FBXO8: variants seen among roughly 807,000 people sequenced by gnomAD.
FBXO8 encodes the protein F-box only protein 8.
In FBXO8, 15 loss-of-function variants were observed where a neutral mutation model predicts 33.4. That is an observed-to-expected ratio of 0.45 (90% CI 0.30 to 0.69). The LOEUF is 0.69. FBXO8 is among the 30% of genes least tolerant of loss of function. FBXO8 has a pLI of 0.08. For missense variants in FBXO8, 274 were observed against 380.3 expected, an observed-to-expected ratio of 0.72 and a Z score of 2.32; for synonymous variants, 132 against 131.5, an observed-to-expected ratio of 1.00 and a Z score of -0.02.
rs1462924709 is a variant in FBXO8, at chr4:174,262,108, T to G, written c.329+656A>C. Among the ~76,000 whole-genome samples the G allele has an allele frequency of 6.6e-6, 1 of 152,156 alleles. No individual in the cohort carries two copies. The highest frequency in any genetic ancestry group is 2.4e-5 in the African/African-American group (1 of 41,444). On this transcript the variant is annotated intron_variant, in intron 2 of 5. Transcript: ENST00000393674. The surrounding 1 kb of genome is among the most constrained non-coding windows in gnomAD (Gnocchi z 4.6). ...AATGTTCTTAGATTTGTGGTTTTAA[T>G]TCAGACTAGTACAATGTGGAAATTT... is the stretch of plus-strand genomic sequence containing the variant.
At chr4:174,238,770 T>TAC (rs778406641) in intron 5 of FBXO8, among the ~76,000 whole-genome samples, 10 of 107,218 alleles carry the variant, frequency 9.3e-5, no homozygotes, top group African/African-American at 3.1e-4. Context: ...TATATATATA[T>TAC]ATACACACAC....
At chr4:174,249,566 C>G (rs749484863) in intron 3 of FBXO8, among the ~76,000 whole-genome samples, 1 of 151,818 alleles carries the variant, frequency 6.6e-6, no homozygotes, top group Non-Finnish European at 1.5e-5. Context: ...TATATTTTAA[C>G]AGCTCTGAAA....
intron 3 of FBXO8, among the ~76,000 whole-genome samples, chr4:174,249,817 A>G (rs183326808): frequency 2.8e-4 from 42 of 152,150 alleles, no homozygotes; most frequent in African/African-American, 9.4e-4. Context: ...ACAAAATGTT[A>G]CTGTATATGC....
rs528694545 is a variant in FBXO8 at position 174,262,091 on chromosome 4, T to C, written c.329+673A>G. Among the ~76,000 whole-genome samples the C allele has an allele frequency of 1.3e-5, 2 of 152,260 alleles. No homozygotes were observed. Among genetic ancestry groups the C allele is most frequent in the Admixed American group, 1.3e-4 (2 of 15,280 alleles). On this transcript the variant is annotated intron_variant, in intron 2 of 5. Transcript: ENST00000393674. The surrounding 1 kb of genome is among the most constrained non-coding windows in gnomAD (Gnocchi z 4.6). Reference sequence around the variant, plus strand: ...CAGATTCTATTCCAGCAAATGTTCTTAGATTTGTGGTTTTAATTCAGACTA... The same window carrying C: ...CAGATTCTATTCCAGCAAATGTTCTCAGATTTGTGGTTTTAATTCAGACTA...
rs991983576 is a variant in FBXO8, at chr4:174,274,630, T to A, written c.-9+8780A>T. On this transcript the variant is annotated intron_variant, in intron 1 of 5. Transcript: ENST00000393674. This position sits in a 1 kb window ranked among gnomAD's most constrained non-coding sequence, Gnocchi z 4.0. ...GACTGTAAGTACTAAAATAAGGAAC[T>A]GACTCCACACAATAGGTTACATGAA... 2.0e-5 allele frequency among the ~76,000 whole-genome samples: 3 copies of A among 152,220 alleles called. No homozygotes were observed. Among genetic ancestry groups the A allele is most frequent in the African/African-American group, 7.2e-5 (3 of 41,462 alleles).
At position 174,237,586 on chromosome 4, in the gene FBXO8, T is replaced by C; in HGVS notation, c.786A>G (p.Val262=). The change falls in exon 6 of 6, where the codon GTA becomes GTG. Residue 262 remains valine, a synonymous_variant. Transcript: ENST00000393674. This position sits in a 1 kb window ranked among gnomAD's most constrained non-coding sequence, Gnocchi z 4.4. ...ELGLSPDAVY[V]LCYSLILLSI... ...AAAGTAGAATCAAAGAGTAGCACAG[T>C]ACATAGACAGCATCTGGAAAGAAAA... 1 of 1,595,060 alleles carries C rather than the reference T, an allele frequency of 6.3e-7. No homozygotes were observed. Among genetic ancestry groups the C allele is most frequent in the South Asian group, 1.1e-5 (1 of 89,156 alleles).
At chr4:174,268,875 T>C (rs1487703297) in intron 1 of FBXO8, among the ~76,000 whole-genome samples, 1 of 152,232 alleles carries the variant, frequency 6.6e-6, no homozygotes, top group Non-Finnish European at 1.5e-5. Flanking sequence ...CAGCTGCGAA[T>C]GTGCACCTTG....
rs371054076 is a variant in FBXO8 at position 174,238,046 on chromosome 4, A to G, written c.773-447T>C. Among the ~76,000 whole-genome samples, 3 of 152,082 alleles carry G rather than the reference A, an allele frequency of 2.0e-5. 1 individual carries two copies. The highest frequency in any genetic ancestry group is 3.8e-4 in the East Asian group (2 of 5,206). On this transcript the variant is annotated intron_variant, in intron 5 of 5. Transcript: ENST00000393674. ...AATTTATATAGAATGCTTTCATAAA[A>G]ACCTATTTTAATTTGAGAGCATCTT...
chr4:174,271,923 T>C (rs560726086), intron 1 of FBXO8, among the ~76,000 whole-genome samples: 43 of 152,320 alleles, frequency 2.8e-4, no homozygotes, highest in African/African-American at 1.0e-3. Context: ...GAGGTACTCA[T>C]CAAAGTTCTG....
At position 174,252,082 on chromosome 4, in the gene FBXO8, C is replaced by A. The variant is rs952330757; in HGVS notation, c.456+7617G>T. The stretch of plus-strand genomic sequence containing the variant: ...TTCCTGGACTCAAGTGATCCTCCCA[C>A]CTCAGCCCCCTAAGTAGCTGCGACT... On this transcript the variant is annotated intron_variant, in intron 3 of 5. Coordinates refer to ENST00000393674, the MANE Select transcript of FBXO8 (RefSeq NM_012180.3). This position sits in a 1 kb window ranked among gnomAD's most constrained non-coding sequence, Gnocchi z 5.1. 1.3e-5 allele frequency among the ~76,000 whole-genome samples: 2 copies of A among 152,094 alleles called. No individual in the cohort carries two copies. Among genetic ancestry groups the A allele is most frequent in the Admixed American group, 6.6e-5 (1 of 15,262 alleles).
chr4:174,250,693 A>G (rs1736265532), intron 3 of FBXO8, among the ~76,000 whole-genome samples: 1 of 152,128 alleles, frequency 6.6e-6, no homozygotes, highest in African/African-American at 2.4e-5. Context: ...TCATACTCCC[A>G]TATTTGAAAA....
At chr4:174,280,135 T>C (rs950728190) in intron 1 of FBXO8, among the ~76,000 whole-genome samples, 1 of 152,104 alleles carries the variant, frequency 6.6e-6, no homozygotes, top group Non-Finnish European at 1.5e-5. Flanking sequence ...ATAACTCCTT[T>C]AACTCAACAA....
At position 174,275,048 on chromosome 4, in the gene FBXO8, T is replaced by C. The variant is rs779955648; in HGVS notation, c.-9+8362A>G. ...AGAGAAAATATTTGTAAACCACATA[T>C]CTGACGGACGAGTATCTAGAATATA... On this transcript the variant is annotated intron_variant, in intron 1 of 5. Transcript: ENST00000393674. This position sits in a 1 kb window ranked among gnomAD's most constrained non-coding sequence, Gnocchi z 4.4. 2.0e-5 allele frequency among the ~76,000 whole-genome samples: 3 copies of C among 152,160 alleles called. No individual in the cohort carries two copies. The highest frequency in any genetic ancestry group is 4.4e-5 in the Non-Finnish European group (3 of 68,028).
In FBXO8 at chr4:174,251,186, A is replaced by G. The variant is rs1736277784; in HGVS notation, c.456+8513T>C. On this transcript the variant is annotated intron_variant, in intron 3 of 5. Transcript: ENST00000393674. The surrounding 1 kb of genome is among the most constrained non-coding windows in gnomAD (Gnocchi z 4.2). ...GATGAAGACATTTTCCACTAATTTC[A>G]GTTTTTACCCTAGACAATTCACACT... 6.6e-6 allele frequency among the ~76,000 whole-genome samples: 1 copy of G among 152,154 alleles called. No homozygotes were observed. The highest frequency in any genetic ancestry group is 1.5e-5 in the Non-Finnish European group (1 of 68,026).
rs115782273 is a variant in FBXO8 at position 174,257,264 on chromosome 4, T to C, written c.456+2435A>G. On this transcript the variant is annotated intron_variant, in intron 3 of 5. Transcript: ENST00000393674. This position sits in a 1 kb window ranked among gnomAD's most constrained non-coding sequence, Gnocchi z 4.3. ...AGCATATGAGGACCCATGTGTATTT[T>C]CATCTTTGTGTAAAAATGATTGCTT... Among the ~76,000 whole-genome samples, 2,044 of 152,270 alleles carry C rather than the reference T, an allele frequency of 0.013. 19 individuals are homozygous for C. The highest frequency in any genetic ancestry group is 0.02 in the African/African-American group (842 of 41,568).
At position 174,259,395 on chromosome 4, in the gene FBXO8, T is replaced by G. The variant is rs1736491855; in HGVS notation, c.456+304A>C. Among the ~76,000 whole-genome samples, 1 of 152,096 alleles carries G rather than the reference T, an allele frequency of 6.6e-6. No homozygotes were observed. The highest frequency in any genetic ancestry group is 6.6e-5 in the Admixed American group (1 of 15,266). On this transcript the variant is annotated intron_variant, in intron 3 of 5. Coordinates refer to ENST00000393674, the MANE Select transcript of FBXO8 (RefSeq NM_012180.3). The surrounding 1 kb of genome is among the most constrained non-coding windows in gnomAD (Gnocchi z 4.3). ...CTGATGAACACACTCTGTGTTCTTATTATCAAATTTTTGTGCTCTCTACTT... is the reference window on the plus strand; with the variant it reads ...CTGATGAACACACTCTGTGTTCTTAGTATCAAATTTTTGTGCTCTCTACTT...
chr4:174,246,884 G>T (rs1736172436), intron 3 of FBXO8, among the ~76,000 whole-genome samples: 1 of 151,926 alleles, frequency 6.6e-6, no homozygotes. Context: ...GAAAAGAGAG[G>T]GCTGATTTGG....
chr4:174,264,642 G>A (rs1020462870), intron 1 of FBXO8, among the ~76,000 whole-genome samples: 3 of 151,896 alleles, frequency 2.0e-5, no homozygotes, highest in Admixed American at 6.6e-5. Flanking sequence ...ATGGTGGGGA[G>A]GTACAAAGAG....
chr4:174,271,937 T>A (rs944704026), intron 1 of FBXO8, among the ~76,000 whole-genome samples: 2 of 152,212 alleles, frequency 1.3e-5, no homozygotes, highest in African/African-American at 4.8e-5. Flanking sequence ...AGTTCTGCTA[T>A]ACACTAATAT....
Sources: allele counts gnomAD v4.1 joint callset (sites outside exome capture counted in the v4.1 genomes callset), GRCh38; gene constraint gnomAD v4.1.1; non-coding constraint Gnocchi (gnomAD v3.1); transcripts MANE v1.5; gene names NCBI Gene and HGNC (gene_info 2026-07-23, HGNC 2026-07-21).